Variants in COL11A1 observed in about 807,000 individuals in gnomAD.
The protein encoded by COL11A1 is collagen alpha-1(XI) chain.
In COL11A1, 74 loss-of-function variants were observed where a neutral mutation model predicts 265.2. That is an observed-to-expected ratio of 0.28 (90% confidence interval 0.23 to 0.34). The LOEUF is 0.34. Among genes scored for constraint, COL11A1 ranks in the 10% least tolerant of loss-of-function variants. COL11A1 has a pLI of 1.00. For synonymous variants in COL11A1, 816 were observed against 727.6 expected, an observed-to-expected ratio of 1.12 and a Z score of -1.96; for missense variants, 2,165 against 2,263.6, an observed-to-expected ratio of 0.96 and a Z score of 0.88.
At chr1:102,947,860 A>T (rs1659476598) in intron 41 of COL11A1, among the ~76,000 whole-genome samples, 1 of 151,866 alleles carries the variant, frequency 6.6e-6, no homozygotes, top group Non-Finnish European at 1.5e-5. Context: ...ATAACAAAAA[A>T]TTGTCTTTGG....
chr1:103,045,971 T>C (rs1669228398), intron 4 of COL11A1, among the ~76,000 whole-genome samples: 1 of 151,144 alleles, frequency 6.6e-6, no homozygotes. Context: ...GGCTGCATAG[T>C]ATTCCATGGT....
At chr1:102,895,546 G>T (rs1174216664) in intron 57 of COL11A1, among the ~76,000 whole-genome samples, 1 of 151,256 alleles carries the variant, frequency 6.6e-6, no homozygotes, top group Admixed American at 6.6e-5. Context: ...TTTGGATATG[G>T]ATGTGAATAT....
intron 31 of COL11A1, among the ~76,000 whole-genome samples, chr1:102,981,432 A>T (rs1450171430): frequency 2.6e-5 from 4 of 152,044 alleles, no homozygotes; most frequent in Non-Finnish European, 4.4e-5. Context: ...TCCTGACTAG[A>T]AGAGGTAACA....
intron 37 of COL11A1, among the ~76,000 whole-genome samples, chr1:102,967,535 C>A (rs951259349): frequency 6.6e-6 from 1 of 152,098 alleles, no homozygotes; most frequent in African/African-American, 2.4e-5. Context: ...CCACCACGCC[C>A]AGCCAATAAA....
chr1:103,094,536 C>T lies in COL11A1; in HGVS notation c.107-11564G>A, dbSNP rs141340092. ...TGCACAGGTGTGTCTGCGTCTCCTG[C>T]CTCCCCTTCCACTTCTTCTGCCTCT... On this transcript the variant is annotated intron_variant, in intron 1 of 66. Transcript: ENST00000370096. 5.7e-3 allele frequency among the ~76,000 whole-genome samples: 869 copies of T among 152,100 alleles called. 8 individuals carry two copies. The highest frequency in any genetic ancestry group is 0.02 in the African/African-American group (819 of 41,512).
chr1:102,938,529 A>C (rs1658386040), intron 44 of COL11A1, among the ~76,000 whole-genome samples: 2 of 152,194 alleles, frequency 1.3e-5, no homozygotes, highest in African/African-American at 4.8e-5. Flanking sequence ...TTAAATACAT[A>C]ATTTAAAGAG....
chr1:102,962,840 T>G (rs1200919577), intron 38 of COL11A1, 80 bp from the exon 39 acceptor site: 10 of 1,249,076 alleles, frequency 8.0e-6, no homozygotes, highest in Non-Finnish European at 1.0e-5. Context: ...ACAGTATTAT[T>G]ACATTTACAA....
At chr1:102,938,911 A>G in intron 44 of COL11A1, 124 bp downstream of exon 44, 1 of 785,960 alleles carries the variant, frequency 1.3e-6, no homozygotes, top group Non-Finnish European at 2.2e-6. Flanking sequence ...CTGCAGAGGT[A>G]ATGTAGTATT....
In COL11A1 at chr1:102,979,402, T is replaced by C; in HGVS notation, c.2590A>G (p.Asn864Asp). The C allele has an allele frequency of 6.2e-7, 1 of 1,610,548 alleles. No individual in the cohort carries two copies. Among genetic ancestry groups the C allele is most frequent in the East Asian group, 2.2e-5 (1 of 44,866 alleles). The change falls in exon 32 of 67, where the codon AAT becomes GAT. Residue 864 changes from asparagine (N) to aspartate (D), a missense_variant. Transcript: ENST00000370096. ...CATACCCGTGCACCTTTCTCTCCAT[T>C]GGCACCTGGAAACCCAGGGAATCCA... is the stretch of plus-strand genomic sequence containing the variant. Reference protein sequence around the residue: ...STGFPGFPGANGEKGARGVAG... With the variant: ...STGFPGFPGADGEKGARGVAG...
chr1:102,981,713 A>G (rs2101698545), intron 31 of COL11A1, among the ~76,000 whole-genome samples: 1 of 152,154 alleles, frequency 6.6e-6, no homozygotes, highest in African/African-American at 2.4e-5. Context: ...TCAAAGATTA[A>G]TTGTGAAATT....
intron 4 of COL11A1, among the ~76,000 whole-genome samples, chr1:103,043,276 A>G (rs2102065092): frequency 6.6e-6 from 1 of 150,712 alleles, no homozygotes; most frequent in South Asian, 2.1e-4. Flanking sequence ...TTATATGTAT[A>G]TCTGGATGAC....
At chr1:103,001,627 G>A in intron 24 of COL11A1, 1 of 453,202 alleles carries the variant, frequency 2.2e-6, no homozygotes, top group South Asian at 6.2e-5. Flanking sequence ...GAAAGAAAAG[G>A]AGACCTAAAA....
At chr1:102,971,533 T>C (rs910393837) in intron 36 of COL11A1, among the ~76,000 whole-genome samples, 2 of 152,218 alleles carry the variant, frequency 1.3e-5, no homozygotes, top group Non-Finnish European at 2.9e-5. Flanking sequence ...CATTGTATGT[T>C]AATTATTTAA....
chr1:103,069,149 C>G (rs910600560), intron 4 of COL11A1, among the ~76,000 whole-genome samples: 2 of 151,468 alleles, frequency 1.3e-5, no homozygotes, highest in African/African-American at 4.8e-5. Flanking sequence ...AGTATTTACC[C>G]ACATGATTTT....
chr1:102,905,514 TTA>T (rs1491207977), intron 54 of COL11A1, among the ~76,000 whole-genome samples: 1 of 62,770 alleles, frequency 1.6e-5, no homozygotes, highest in Non-Finnish European at 4.6e-5. Flanking sequence ...CCCATATAAG[TTA>T]AAAAAAAAAA....
intron 4 of COL11A1, 66 bp from the exon 5 acceptor site, chr1:103,031,310 T>C (rs1215617179): frequency 6.5e-7 from 1 of 1,542,886 alleles, no homozygotes; most frequent in Non-Finnish European, 8.8e-7. Flanking sequence ...AGTACACATA[T>C]ACCAAAGCGA....
intron 35 of COL11A1, among the ~76,000 whole-genome samples, chr1:102,977,777 A>G (rs569130983): frequency 6.6e-6 from 1 of 152,252 alleles, no homozygotes; most frequent in Admixed American, 6.5e-5. Context: ...AGAGTGAGAA[A>G]CATTTAGCGG....
At chr1:103,002,536 T>G (rs1034137484) in intron 22 of COL11A1, 55 bp from the exon 23 acceptor site, 1 of 1,469,578 alleles carries the variant, frequency 6.8e-7, no homozygotes, top group Non-Finnish European at 9.4e-7. Flanking sequence ...CAATAGATTT[T>G]TGTTCTTCTC....
intron 62 of COL11A1, 95 bp from the exon 63 acceptor site, chr1:102,887,151 A>G (rs1651097079): frequency 6.5e-7 from 1 of 1,536,324 alleles, no homozygotes; most frequent in Non-Finnish European, 8.9e-7. Flanking sequence ...ATAAGAAATT[A>G]GAGTTGGTTT....
Sources: gnomAD v4.1 joint callset for allele counts (sites outside exome capture counted in the v4.1 genomes callset) on GRCh38, gnomAD v4.1.1 for gene constraint, MANE v1.5 for transcripts, NCBI Gene and HGNC (gene_info 2026-07-23, HGNC 2026-07-21) for gene names.